GFAP: variants seen among roughly 807,000 people sequenced by gnomAD.
The protein encoded by GFAP is intermediate filament protein.
A neutral mutation model predicts 49.3 loss-of-function variants in GFAP; 38 were observed. The observed-to-expected ratio is 0.77, with a 90% CI of 0.60 to 1.01. The LOEUF (loss-of-function observed/expected upper bound fraction) is 1.01. GFAP is among the 50% of genes least tolerant of loss of function. GFAP has a pLI of 0.00. For synonymous variants in GFAP, 222 were observed against 236.4 expected, an observed-to-expected ratio of 0.94 and a Z score of 0.56; for missense variants, 463 against 579.1, an observed-to-expected ratio of 0.80 and a Z score of 2.06.
chr17:44,911,293 A>T lies in GFAP; in HGVS notation c.1070T>A (p.Leu357Gln), dbSNP rs267607515. The part of the protein sequence containing the change: ...QEYQDLLNVK[L>Q]ALDIEIATYR... ...GGTGGCGATCTCGATGTCCAGGGCC[A>T]GCTTGACATTGAGCAGGTCCTGGTA... is the stretch of plus-strand genomic sequence containing the variant. The change falls in exon 6 of 9, where the codon CTG (leucine) becomes CAG (glutamine). Residue 357 changes from leucine to glutamine, a missense_variant. This residue lies in a region of GFAP where 362 missense variants were observed against 445.5 expected (regional missense o/e 0.81). Transcript: ENST00000588735. The T allele has an allele frequency of 1.9e-5, 31 of 1,614,030 alleles. No individual in the cohort carries two copies.
At chr17:44,913,502 G>A (rs1488369428) in intron 3 of GFAP, 72 bp from the exon 4 acceptor site, 16 of 1,501,734 alleles carry the variant, frequency 1.1e-5, no homozygotes, top group Non-Finnish European at 1.4e-5. Context: ...ACGCCATTGT[G>A]TCCTCTTCTG....
At position 44,903,872 on chromosome 17, in the gene GFAP, C is replaced by CT; in HGVS notation, c.*3474dup. The stretch of plus-strand genomic sequence containing the variant: ...CACTGTGCTCCTGTGGGCATGGGGG[C>CT]TCCAGGCCTTTGAAATTGTGGAGAA... On this transcript the variant is annotated 3_prime_UTR_variant, in exon 9 of 9. Coordinates refer to ENST00000588735, the MANE Select transcript of GFAP (RefSeq NM_002055.5). 7.3e-7 allele frequency: 1 copy of CT among 1,367,810 alleles called. No individual in the cohort carries two copies. Among genetic ancestry groups the CT allele is most frequent in the Non-Finnish European group, 9.9e-7 (1 of 1,013,054 alleles). 84.7% of individuals were successfully genotyped at this position (1,367,810 alleles called of 1,614,324 possible).
At position 44,907,350 on chromosome 17, in the gene GFAP, C is replaced by A; in HGVS notation, c.1296G>T (p.Met432Ile). The change falls in exon 9 of 9, where the codon ATG becomes ATT. Residue 432 changes from methionine (M) to isoleucine (I), a missense_variant. By Grantham distance (10) the Met-to-Ile change is conservative (BLOSUM62 1). This residue lies in a region of GFAP where 362 missense variants were observed against 445.5 expected (regional missense o/e 0.81). Coordinates refer to ENST00000588735, the MANE Select transcript of GFAP (RefSeq NM_002055.5). ...AGGCCACCAGGTGGGTCCTGCCTCA[C>A]ATCACATCCTTGTGCTCCTGCTTGG... Reference protein sequence around the residue: ...KESKQEHKDVM With the variant: ...KESKQEHKDVI 1 of 1,613,946 alleles carries A rather than the reference C, an allele frequency of 6.2e-7. No homozygotes were observed. The highest frequency in any genetic ancestry group is 1.1e-5 in the South Asian group (1 of 91,080).
At chr17:44,914,802 C>T in intron 1 of GFAP, 2 of 590,066 alleles carry the variant, frequency 3.4e-6, no homozygotes, top group Admixed American at 6.0e-5. Flanking sequence ...CTGAGGGGAC[C>T]CTGGACTCCT....
intron 6 of GFAP, chr17:44,911,000 G>C: frequency 3.3e-6 from 2 of 611,574 alleles, no homozygotes; most frequent in Non-Finnish European, 5.8e-6. Context: ...AGTTTGGAGG[G>C]TGACCCAAGT....
chr17:44,911,704 A>G lies in GFAP; in HGVS notation c.874T>C (p.Leu292=). The G allele has an allele frequency of 6.2e-7, 1 of 1,613,876 alleles. No homozygotes were observed. The highest frequency in any genetic ancestry group is 8.5e-7 in the Non-Finnish European group (1 of 1,179,994). Reference sequence around the variant, plus strand: ...CGCAGAGACTCCAGGTCGCAGGTCAAGGACTGCAACTGGCGCCGGTAGTCG... The same window carrying G: ...CGCAGAGACTCCAGGTCGCAGGTCAGGGACTGCAACTGGCGCCGGTAGTCG... The part of the protein sequence containing the change: ...ANDYRRQLQS[L]TCDLESLRGT... Residue 292 remains leucine (L), a synonymous_variant, in exon 5 of 9, where the codon TTG becomes CTG. Coordinates refer to ENST00000588735, the MANE Select transcript of GFAP (RefSeq NM_002055.5).
At position 44,911,732 on chromosome 17, in the gene GFAP, G is replaced by C. The variant is rs750697583; in HGVS notation, c.846C>G (p.Ala282=). 6.2e-7 allele frequency: 1 copy of C among 1,614,028 alleles called. No individual in the cohort carries two copies. Among genetic ancestry groups the C allele is most frequent in the Admixed American group, 1.7e-5 (1 of 60,032 alleles). Reference sequence around the variant, plus strand: ...ACTGCAACTGGCGCCGGTAGTCGTTGGCTTCGTGCTTGGCCTGGCGGAGCA... The same window carrying C: ...ACTGCAACTGGCGCCGGTAGTCGTTCGCTTCGTGCTTGGCCTGGCGGAGCA... The part of the protein sequence containing the change: ...AELLRQAKHE[A]NDYRRQLQSL... Residue 282 remains alanine (A), a synonymous_variant, in exon 5 of 9, where the codon GCC becomes GCG. Coordinates refer to ENST00000588735, the MANE Select transcript of GFAP (RefSeq NM_002055.5).
At chr17:44,910,570 G>C (rs1232480646) in intron 7 of GFAP, 45 bp downstream of exon 7, 1 of 1,558,468 alleles carries the variant, frequency 6.4e-7, no homozygotes, top group Non-Finnish European at 8.7e-7. Context: ...CTGGAGGAGG[G>C]GGCAGGACTC....
chr17:44,905,371 C>G lies in GFAP; in HGVS notation c.*1976G>C, dbSNP rs2051639456. ...ACTCAGATTTATCCAGTGGTAAACA[C>G]TGATCAGTGTTGAATCATGTTTGAG... On this transcript the variant is annotated 3_prime_UTR_variant, in exon 9 of 9. Coordinates refer to ENST00000588735, the MANE Select transcript of GFAP (RefSeq NM_002055.5). 3 of 384,150 alleles carry G rather than the reference C, an allele frequency of 7.8e-6. No homozygotes were observed. The highest frequency in any genetic ancestry group is 1.5e-5 in the Non-Finnish European group (3 of 200,858). 23.8% of individuals were successfully genotyped at this position (384,150 alleles called of 1,614,324 possible).
chr17:44,915,134 G>A lies in GFAP; in HGVS notation c.353C>T (p.Ala118Val), dbSNP rs2051878631. ...CCGCAGCCGCAGCTCTCGCAGCTCAGCCTGGTAGACGTCTGCCAGCTTGGT... is the reference window on the plus strand; with the variant it reads ...CCGCAGCCGCAGCTCTCGCAGCTCAACCTGGTAGACGTCTGCCAGCTTGGT... ...EPTKLADVYQ[A>V]ELRELRLRLD... Residue 118 changes from alanine (A) to valine (V), a missense_variant, in exon 1 of 9, where the codon GCT becomes GTT. Physicochemically the swap from Ala to Val is moderately conservative, Grantham distance 64. This residue lies in a region of GFAP where 362 missense variants were observed against 445.5 expected (regional missense o/e 0.81). Transcript: ENST00000588735. The surrounding 1 kb of genome is among the most constrained non-coding windows in gnomAD (Gnocchi z 4.1). 6.2e-7 allele frequency: 1 copy of A among 1,613,964 alleles called. No homozygotes were observed. The highest frequency in any genetic ancestry group is 8.5e-7 in the Non-Finnish European group (1 of 1,180,030).
intron 1 of GFAP, 148 bp downstream of exon 1, chr17:44,914,878 T>A: frequency 1.5e-6 from 1 of 687,044 alleles, no homozygotes; most frequent in Non-Finnish European, 2.5e-6. Flanking sequence ...TCCCATCATG[T>A]TGGGGGGCAA....
chr17:44,915,382 G>A lies in GFAP; in HGVS notation c.105C>T (p.Thr35=). The change falls in exon 1 of 9, where the codon ACC becomes ACT. Residue 35 remains threonine, a synonymous_variant. Transcript: ENST00000588735. This position sits in a 1 kb window ranked among gnomAD's most constrained non-coding sequence, Gnocchi z 4.1. ...GGGGCATTCGAGCCAGGGAGAGGCG[G>A]GTGCCAGGACCCAGACGGCGGCCAG... ...LAPGRRLGPG[T]RLSLARMPPP... The A allele has an allele frequency of 6.2e-7, 1 of 1,608,756 alleles. No homozygotes were observed. Among genetic ancestry groups the A allele is most frequent in the Non-Finnish European group, 8.5e-7 (1 of 1,176,500 alleles).
At chr17:44,914,165 C>T (rs1567777368) in intron 1 of GFAP, 77 bp from the exon 2 acceptor site, 9 of 1,068,396 alleles carry the variant, frequency 8.4e-6, no homozygotes, top group Non-Finnish European at 1.3e-5. Flanking sequence ...TCCCTTGAGG[C>T]AGCTGTCACA....
intron 7 of GFAP, 126 bp downstream of exon 7, chr17:44,910,489 C>T (rs1419266805): frequency 5.1e-6 from 8 of 1,553,508 alleles, no homozygotes; most frequent in African/African-American, 2.7e-5. Context: ...TGCAGTGTCA[C>T]GAAGGCCCCC....
At position 44,907,033 on chromosome 17, in the gene GFAP, C is replaced by T. The variant is rs967570065; in HGVS notation, c.*314G>A. 2.1e-6 allele frequency: 1 copy of T among 485,900 alleles called. No individual in the cohort carries two copies. Among genetic ancestry groups the T allele is most frequent in the Admixed American group, 3.3e-5 (1 of 30,466 alleles). The allele number at this position is 485,900 out of a possible 1,614,324, so 30.1% of individuals were successfully genotyped here. On this transcript the variant is annotated 3_prime_UTR_variant, in exon 9 of 9. Coordinates refer to ENST00000588735, the MANE Select transcript of GFAP (RefSeq NM_002055.5). The stretch of plus-strand genomic sequence containing the variant: ...TGTGGAGGGCGATGTAGTAGGTGCC[C>T]CCCGCCCTCCTCCCCTTCTCTCCTT...
intron 4 of GFAP, chr17:44,912,786 G>A: frequency 8.5e-6 from 2 of 235,660 alleles, no homozygotes; most frequent in Non-Finnish European, 8.5e-6. Context: ...TTCCAGGTCA[G>A]ACACCTCTCT....
Position 44,910,617 on chromosome 17 carries a change from C to T in GFAP, c.1169G>A (p.Arg390Gln), listed in dbSNP as rs1333731884. ...PVQTFSNLQI[R>Q]ETSLDTKSVS... The stretch of plus-strand genomic sequence containing the variant: ...CCACGAGGCCCTGCTGTACTGACCT[C>T]GAATCTGCAGGTTGGAGAAGGTCTG... The change falls in exon 7 of 9, where the codon CGA becomes CAA. Residue 390 changes from arginine (R) to glutamine (Q), a missense_variant and splice_region_variant. Coordinates refer to ENST00000588735, the MANE Select transcript of GFAP (RefSeq NM_002055.5). 8.9e-6 allele frequency: 14 copies of T among 1,578,546 alleles called. No individual in the cohort carries two copies. Among genetic ancestry groups the T allele is most frequent in the South Asian group, 4.6e-5 (4 of 86,148 alleles).
At chr17:44,914,755 C>T (rs2051867072) in intron 1 of GFAP, 2 of 529,530 alleles carry the variant, frequency 3.8e-6, no homozygotes, top group Non-Finnish European at 3.4e-6. Flanking sequence ...CACAGGGGCC[C>T]CGCTGCTCCT....
Position 44,911,224 on chromosome 17 carries a change from A to T in GFAP, c.1127+12T>A, listed in dbSNP as rs1277648785. 3 of 1,611,330 alleles carry T rather than the reference A, an allele frequency of 1.9e-6. No homozygotes were observed. Among genetic ancestry groups the T allele is most frequent in the South Asian group, 2.2e-5 (2 of 91,010 alleles). On this transcript the variant is annotated intron_variant, in intron 6 of 8. Coordinates refer to ENST00000588735, the MANE Select transcript of GFAP (RefSeq NM_002055.5). ...CAGGGAGACTTCCCCAGGGGCTGTG[A>T]TGAGGGCTCACCGGTTCTCCTCGCC...
Sources: gnomAD v4.1 joint callset for allele counts on GRCh38, gnomAD v4.1.1 for gene constraint, gnomAD v4.1.1 regional missense constraint, Gnocchi (gnomAD v3.1) non-coding constraint, MANE v1.5 for transcripts, NCBI Gene and HGNC (gene_info 2026-07-23, HGNC 2026-07-21) for gene names.